XKR7: variants seen among roughly 807,000 people sequenced by gnomAD.
XKR7 encodes XK related 7, also known as XK-related protein 7.
XKR7 carries 11 observed loss-of-function variants against 42.2 expected under a neutral mutation model. That is an observed-to-expected ratio of 0.26 (90% CI 0.16 to 0.43). XKR7 has a LOEUF of 0.43. Ranked by LOEUF, XKR7 falls within the 20% of genes least tolerant of loss-of-function variation. The pLI is 1.00. For missense variants in XKR7, 710 were observed against 802.2 expected (o/e 0.89, Z 1.39); for synonymous variants, 346 against 366.4 (o/e 0.94, Z 0.64).
chr20:31,968,875 C>A lies in XKR7; in HGVS notation c.584+116C>A, dbSNP rs2064450584. 1.5e-6 allele frequency: 2 copies of A among 1,379,010 alleles called. No homozygotes were observed. The highest frequency in any genetic ancestry group is 1.9e-6 in the Non-Finnish European group (2 of 1,054,480). 85.4% of individuals were successfully genotyped at this position (1,379,010 alleles called of 1,614,324 possible). A position where few individuals can be genotyped will look rare whatever the true frequency, so the allele number is the denominator to read the frequency against. On this transcript the variant is annotated intron_variant, in intron 1 of 2. Transcript: ENST00000562532. The surrounding 1 kb of genome is among the most constrained non-coding windows in gnomAD (Gnocchi z 4.5). ...GGCTACCCTCCTGTCCTGACCTCCCCCCCTCCCCACCCCATTGCAGCTCTA... is the reference window on the plus strand; with the variant it reads ...GGCTACCCTCCTGTCCTGACCTCCCACCCTCCCCACCCCATTGCAGCTCTA...
intron 1 of XKR7, among the ~76,000 whole-genome samples, chr20:31,976,561 T>C (rs2064486229): frequency 6.6e-6 from 1 of 151,950 alleles, no homozygotes. Flanking sequence ...ATTTTTGTAT[T>C]TTTAGTAGAA....
chr20:31,979,925 G>T (rs1385377331), intron 1 of XKR7, among the ~76,000 whole-genome samples: 7 of 152,084 alleles, frequency 4.6e-5, no homozygotes, highest in Admixed American at 4.6e-4. Context: ...GAGGAGAGGA[G>T]AGCTGGCTGC....
At chr20:31,969,193 A>G (rs2123694827) in intron 1 of XKR7, among the ~76,000 whole-genome samples, 1 of 152,322 alleles carries the variant, frequency 6.6e-6, no homozygotes, top group East Asian at 1.9e-4. Context: ...AAAGATCCTC[A>G]GTTCAGAATT....
intron 1 of XKR7, among the ~76,000 whole-genome samples, chr20:31,969,354 C>G (rs1249909879): frequency 4.6e-5 from 7 of 152,178 alleles, no homozygotes; most frequent in African/African-American, 1.7e-4. Context: ...ACCCCCTCTC[C>G]CCCAGCTAAG....
At chr20:31,989,559 G>A (rs1370493032) in intron 1 of XKR7, among the ~76,000 whole-genome samples, 1 of 152,190 alleles carries the variant, frequency 6.6e-6, no homozygotes, top group Non-Finnish European at 1.5e-5. Context: ...TGGTCACCCA[G>A]GCAAGATGAC....
Position 31,998,003 on chromosome 20 carries a change from G to A in XKR7, c.*546G>A, listed in dbSNP as rs2122285990. 1.4e-5 allele frequency: 2 copies of A among 146,924 alleles called. No homozygotes were observed. The highest frequency in any genetic ancestry group is 4.5e-4 in the South Asian group (2 of 4,428). The allele number at this position is 146,924 out of a possible 1,614,324, so 9.1% of individuals were successfully genotyped here. On this transcript the variant is annotated 3_prime_UTR_variant, in exon 3 of 3. Coordinates refer to ENST00000562532, the MANE Select transcript of XKR7 (RefSeq NM_001011718.2). ...AGGCCTGGAGCCAGGGCAAGAGGGA[G>A]CTGAAGAAGGGAGTTGGGGTGGGGC... is the stretch of plus-strand genomic sequence containing the variant.
In XKR7 at chr20:31,996,625, T is replaced by A. The variant is rs775112762; in HGVS notation, c.908T>A (p.Val303Glu). The change falls in exon 3 of 3, where the codon GTG (valine) becomes GAG (glutamate). Residue 303 changes from valine (V) to glutamate (E), a missense_variant. By Grantham distance (121) the Val-to-Glu change is moderately radical (BLOSUM62 -2). Coordinates refer to ENST00000562532, the MANE Select transcript of XKR7 (RefSeq NM_001011718.2). ...PLSYKGAVAQ[V>E]LWHLFSIAAR... ...TCCTACAAGGGCGCCGTGGCACAGGTGCTGTGGCACCTGTTCAGCATTGCC... is the reference window on the plus strand; with the variant it reads ...TCCTACAAGGGCGCCGTGGCACAGGAGCTGTGGCACCTGTTCAGCATTGCC... The A allele has an allele frequency of 1.3e-6, 2 of 1,583,776 alleles. No homozygotes were observed. The highest frequency in any genetic ancestry group is 1.7e-6 in the Non-Finnish European group (2 of 1,163,798).
chr20:31,968,616 C>A lies in XKR7; in HGVS notation c.441C>A (p.Ala147=), dbSNP rs773867944. ...TCAGCACCAAGGACAGCGCCGGCGC[C>A]TTCCGGACCAAAGAAGGCAGCCCCG... ...AAISTKDSAG[A]FRTKEGSPEP... Residue 147 remains alanine (A), a synonymous_variant, in exon 1 of 3, where the codon GCC becomes GCA. Transcript: ENST00000562532. The surrounding 1 kb of genome is among the most constrained non-coding windows in gnomAD (Gnocchi z 4.5). 11 of 1,603,072 alleles carry A rather than the reference C, an allele frequency of 6.9e-6. No individual in the cohort carries two copies. The African/African-American group carries it at 1.5e-4, about 21-fold the overall frequency.
intron 1 of XKR7, among the ~76,000 whole-genome samples, chr20:31,980,379 A>AC (rs1421343293): frequency 3.9e-5 from 6 of 152,228 alleles, no homozygotes; most frequent in East Asian, 3.9e-4. Flanking sequence ...CATCCCCCCA[A>AC]CCCCCCGCAA....
chr20:31,994,854 G>A (rs1234929423), intron 1 of XKR7, among the ~76,000 whole-genome samples: 1 of 152,210 alleles, frequency 6.6e-6, no homozygotes. Flanking sequence ...TATTTACTTA[G>A]TGCCAGTCCT....
At chr20:31,977,285 A>G (rs1415505697) in intron 1 of XKR7, among the ~76,000 whole-genome samples, 1 of 152,218 alleles carries the variant, frequency 6.6e-6, no homozygotes, top group East Asian at 1.9e-4. Flanking sequence ...AATCTTGGAC[A>G]AGTCACTTCG....
At chr20:31,989,880 T>TG (rs1219185833) in intron 1 of XKR7, among the ~76,000 whole-genome samples, 1 of 152,132 alleles carries the variant, frequency 6.6e-6, no homozygotes, top group Non-Finnish European at 1.5e-5. Context: ...CCCAAAATGT[T>TG]GGGATTCCAG....
chr20:31,997,396 G>C lies in XKR7; in HGVS notation c.1679G>C (p.Arg560Pro). ...ALEYSSPATPRLQYRSVGTSQ... is the reference protein window; with the variant it reads ...ALEYSSPATPPLQYRSVGTSQ... ...GAGTACTCCTCACCTGCCACGCCCCGGTTGCAGTACCGGAGTGTGGGGACT... is the reference window on the plus strand; with the variant it reads ...GAGTACTCCTCACCTGCCACGCCCCCGTTGCAGTACCGGAGTGTGGGGACT... The change falls in exon 3 of 3, where the codon CGG (arginine) becomes CCG (proline). Residue 560 changes from arginine to proline, a missense_variant. This residue lies in a region of XKR7 where 708 missense variants were observed against 786.2 expected (regional missense o/e 0.90). Coordinates refer to ENST00000562532, the MANE Select transcript of XKR7 (RefSeq NM_001011718.2). The C allele has an allele frequency of 6.3e-7, 1 of 1,599,864 alleles. No individual in the cohort carries two copies. Among genetic ancestry groups the C allele is most frequent in the Non-Finnish European group, 8.5e-7 (1 of 1,179,884 alleles).
intron 1 of XKR7, among the ~76,000 whole-genome samples, chr20:31,971,061 C>T (rs2064463198): frequency 6.6e-6 from 1 of 152,164 alleles, no homozygotes; most frequent in African/African-American, 2.4e-5. Context: ...AAGTGTCCCT[C>T]AAGCTTAAAG....
At chr20:31,990,407 C>T (rs923195929) in intron 1 of XKR7, among the ~76,000 whole-genome samples, 3 of 152,188 alleles carry the variant, frequency 2.0e-5, no homozygotes, top group Non-Finnish European at 4.4e-5. Flanking sequence ...CAAGGTCACA[C>T]AGCAGGTCTG....
intron 1 of XKR7, among the ~76,000 whole-genome samples, chr20:31,979,826 G>A (rs2064503040): frequency 6.6e-6 from 1 of 152,138 alleles, no homozygotes; most frequent in South Asian, 2.1e-4. Flanking sequence ...GAGAAAGGGG[G>A]AACAAAAGGC....
chr20:31,993,418 C>T (rs533989205), intron 1 of XKR7, among the ~76,000 whole-genome samples: 1 of 152,154 alleles, frequency 6.6e-6, no homozygotes, highest in Non-Finnish European at 1.5e-5. Context: ...ATCCTCACCG[C>T]CACTTTGGGA....
rs1474386451 is a variant in XKR7 at position 31,996,804 on chromosome 20, G to A, written c.1087G>A (p.Val363Ile). The change falls in exon 3 of 3, where the codon GTC (valine) becomes ATC (isoleucine). Residue 363 changes from valine to isoleucine, a missense_variant. Physicochemically the swap from Val to Ile is conservative, Grantham distance 29. Transcript: ENST00000562532. ...SKWEEIIYNM[V>I]VGIIYIFCWF... ...GTGGGAGGAGATCATCTACAACATGGTCGTGGGCATCATCTACATCTTCTG... is the reference window on the plus strand; with the variant it reads ...GTGGGAGGAGATCATCTACAACATGATCGTGGGCATCATCTACATCTTCTG... 2.5e-6 allele frequency: 4 copies of A among 1,613,842 alleles called. No homozygotes were observed.
In XKR7 at chr20:31,999,346, G is replaced by T. The variant is rs1347055843; in HGVS notation, c.*1889G>T. On this transcript the variant is annotated 3_prime_UTR_variant, in exon 3 of 3. Transcript: ENST00000562532. ...CCCCAAAGGCAGGGAGGGCCAGACT[G>T]CCCACATACACACAAGCACAAGCAC... is the stretch of plus-strand genomic sequence containing the variant. 6.6e-6 allele frequency: 1 copy of T among 152,170 alleles called. No individual in the cohort carries two copies. The highest frequency in any genetic ancestry group is 2.4e-5 in the African/African-American group (1 of 41,372). 9.4% of individuals were successfully genotyped at this position (152,170 alleles called of 1,614,324 possible).
Sources: gnomAD v4.1 joint callset for allele counts (sites outside exome capture counted in the v4.1 genomes callset) on GRCh38, gnomAD v4.1.1 for gene constraint, gnomAD v4.1.1 regional missense constraint, Gnocchi (gnomAD v3.1) non-coding constraint, MANE v1.5 for transcripts, NCBI Gene and HGNC (gene_info 2026-07-23, HGNC 2026-07-21) for gene names.